DOCK1: variants seen among roughly 807,000 people sequenced by gnomAD.
DOCK1 encodes dedicator of cytokinesis 1.
Under a neutral mutation model 262.7 loss-of-function variants are expected in DOCK1, and 138 were observed. That is an observed-to-expected ratio of 0.53 (90% CI 0.46 to 0.61). DOCK1 has a LOEUF of 0.61. Ranked by LOEUF, DOCK1 falls within the 20% of genes least tolerant of loss-of-function variation. DOCK1 has a pLI of 0.00. For synonymous variants in DOCK1, 866 were observed against 867.4 expected, an observed-to-expected ratio of 1.00 and a Z score of 0.03; for missense variants, 1,908 against 2,370.7, an observed-to-expected ratio of 0.80 and a Z score of 4.05.
intron 38 of DOCK1, among the ~76,000 whole-genome samples, chr10:127,393,449 C>T (rs2066619367): frequency 6.6e-6 from 1 of 152,162 alleles, no homozygotes; most frequent in Non-Finnish European, 1.5e-5. Context: ...TCTACAGCTT[C>T]CTACGGGAAA....
chr10:126,925,769 T>TGTGTGTGTGC (rs1285971289), intron 1 of DOCK1, among the ~76,000 whole-genome samples: 1 of 139,520 alleles, frequency 7.2e-6, no homozygotes, highest in Non-Finnish European at 1.6e-5. Context: ...TGTGTGTGTG[T>TGTGTGTGTGC]GCGCCTAGGT....
chr10:126,915,397 G>A (rs2032345319), intron 1 of DOCK1, among the ~76,000 whole-genome samples: 1 of 147,776 alleles, frequency 6.8e-6, no homozygotes, highest in Admixed American at 7.0e-5. Context: ...GAGCAGTGCT[G>A]CTTTCTCAAT....
At chr10:126,969,891 G>C (rs969090006) in intron 1 of DOCK1, among the ~76,000 whole-genome samples, 1 of 152,180 alleles carries the variant, frequency 6.6e-6, no homozygotes, top group Non-Finnish European at 1.5e-5. Context: ...GGCTGTGCAG[G>C]ATGGATGGAT....
In DOCK1 at chr10:127,175,800, G is replaced by A. The variant is rs531727184; in HGVS notation, c.2847+48036G>A. The A allele has an allele frequency of 2.4e-5, 39 of 1,614,092 alleles. No individual in the cohort carries two copies. In the South Asian group the frequency reaches 3.3e-4, roughly 14 times the overall value. ...AGCTTCTCCATAGCTGAGCGGCTCC[G>A]GGCTTTTACAGGGCTCTGTGCAGTT... On this transcript the variant is annotated intron_variant, in intron 27 of 51. Transcript: ENST00000623213. This position sits in a 1 kb window ranked among gnomAD's most constrained non-coding sequence, Gnocchi z 6.3.
chr10:127,050,676 G>C (rs375627431), intron 21 of DOCK1, among the ~76,000 whole-genome samples: 8 of 149,778 alleles, frequency 5.3e-5, no homozygotes. Context: ...CTGCACTCCC[G>C]CCTGGGCAAC....
intron 31 of DOCK1, among the ~76,000 whole-genome samples, chr10:127,347,121 G>T (rs916371893): frequency 6.6e-6 from 1 of 152,232 alleles, no homozygotes; most frequent in Middle Eastern, 3.2e-3. Context: ...AGCAAAACCT[G>T]CATAAGAAAT....
intron 1 of DOCK1, among the ~76,000 whole-genome samples, chr10:126,939,117 G>A (rs2034798686): frequency 6.6e-6 from 1 of 152,030 alleles, no homozygotes; most frequent in Non-Finnish European, 1.5e-5. Flanking sequence ...AGGAGGGGAT[G>A]AACACCGGAA....
chr10:127,145,802 T>G (rs890016264), intron 27 of DOCK1: 5 of 318,144 alleles, frequency 1.6e-5, no homozygotes, highest in African/African-American at 1.1e-4. Context: ...ATTGAGAGCA[T>G]CATCTCCACT....
intron 22 of DOCK1, among the ~76,000 whole-genome samples, chr10:127,053,895 G>C (rs2044940821): frequency 6.6e-6 from 1 of 152,136 alleles, no homozygotes; most frequent in Non-Finnish European, 1.5e-5. Context: ...TTGGGGGATG[G>C]CTATTTTGTG....
At position 127,104,783 on chromosome 10, in the gene DOCK1, A is replaced by G. The variant is rs73378428; in HGVS notation, c.2446-1448A>G. On this transcript the variant is annotated intron_variant, in intron 23 of 51. Coordinates refer to ENST00000623213, the MANE Select transcript of DOCK1 (RefSeq NM_001290223.2). ...AAAATCTGGCAACTTTTCCCAACAG[A>G]AGAGAGCAAAGGGACTCAGGGTCTG... Among the ~76,000 whole-genome samples, 1,483 of 152,300 alleles carry G rather than the reference A, an allele frequency of 9.7e-3. 23 individuals are homozygous for G. Among genetic ancestry groups the G allele is most frequent in the African/African-American group, 0.033 (1,389 of 41,554 alleles).
Position 126,906,763 on chromosome 10 carries a change from C to G in DOCK1, c.46+1200C>G, listed in dbSNP as rs114128441. 8.2e-3 allele frequency among the ~76,000 whole-genome samples: 1,256 copies of G among 152,302 alleles called. 23 individuals carry two copies. The highest frequency in any genetic ancestry group is 0.029 in the African/African-American group (1,206 of 41,568). ...GCCCTGGCAGCCCTTGTCCCCGGAG[C>G]GCTCTCCTTTCTGTGAACAGTTGCT... is the stretch of plus-strand genomic sequence containing the variant. On this transcript the variant is annotated intron_variant, in intron 1 of 51. Transcript: ENST00000623213.
intron 27 of DOCK1, among the ~76,000 whole-genome samples, chr10:127,229,781 G>A (rs1590039684): frequency 6.6e-6 from 1 of 152,260 alleles, no homozygotes; most frequent in East Asian, 1.9e-4. Flanking sequence ...GATGATTTTA[G>A]TTTTAATTTT....
At chr10:126,946,118 A>G (rs1041642106) in intron 1 of DOCK1, among the ~76,000 whole-genome samples, 1 of 152,206 alleles carries the variant, frequency 6.6e-6, no homozygotes, top group Non-Finnish European at 1.5e-5. Flanking sequence ...AAAAATATAT[A>G]TAACATAGAA....
At chr10:126,913,254 G>A (rs1351704759) in intron 1 of DOCK1, among the ~76,000 whole-genome samples, 1 of 152,182 alleles carries the variant, frequency 6.6e-6, no homozygotes, top group Non-Finnish European at 1.5e-5. Context: ...TTAGCATTAG[G>A]ATATTCACAC....
At chr10:127,066,702 G>T (rs2045899203) in intron 23 of DOCK1, among the ~76,000 whole-genome samples, 1 of 152,234 alleles carries the variant, frequency 6.6e-6, no homozygotes, top group Non-Finnish European at 1.5e-5. Flanking sequence ...CCTAGTGCCA[G>T]AGTAACTGGA....
In DOCK1 at chr10:127,433,420, C is replaced by T. The variant is rs371222347; in HGVS notation, c.5052C>T (p.Gly1684=). 1.3e-4 allele frequency: 214 copies of T among 1,613,840 alleles called. No individual in the cohort carries two copies. Among genetic ancestry groups the T allele is most frequent in the Non-Finnish European group, 1.7e-4 (205 of 1,179,888 alleles). ...CGGACAGCACCCCTTCCAGACCAGG[C>T]TCCGACGGGTGAGTCAAGCTCACAG... ...LSSDSTPSRP[G]SDGFALEPLL... The change falls in exon 48 of 52, where the codon GGC becomes GGT. Residue 1684 remains glycine (G), a synonymous_variant. Transcript: ENST00000623213.
intron 29 of DOCK1, among the ~76,000 whole-genome samples, chr10:127,331,801 G>A (rs1414237521): frequency 6.6e-6 from 1 of 152,172 alleles, no homozygotes; most frequent in African/African-American, 2.4e-5. Flanking sequence ...AGATAAATGG[G>A]TGGTATACAC....
rs148806030 is a variant in DOCK1 at position 127,072,300 on chromosome 10, C to G, written c.2445+10524C>G. ...TGTGTGCCAGGCACTGTGCTAGGCA[C>G]TGAGGAGTTACAGCACCAATCACAC... On this transcript the variant is annotated intron_variant, in intron 23 of 51. Transcript: ENST00000623213. Among the ~76,000 whole-genome samples, 900 of 152,308 alleles carry G rather than the reference C, an allele frequency of 5.9e-3. 9 individuals carry two copies. The highest frequency in any genetic ancestry group is 6.4e-3 in the Non-Finnish European group (437 of 68,036).
intron 27 of DOCK1, among the ~76,000 whole-genome samples, chr10:127,133,384 A>T (rs1218883180): frequency 6.6e-6 from 1 of 152,244 alleles, no homozygotes. Context: ...TCTGCAAAAA[A>T]ATGTTGTGTT....
Sources: allele counts gnomAD v4.1 joint callset (sites outside exome capture counted in the v4.1 genomes callset), GRCh38; gene constraint gnomAD v4.1.1; non-coding constraint Gnocchi (gnomAD v3.1); transcripts MANE v1.5; gene names NCBI Gene and HGNC (gene_info 2026-07-23, HGNC 2026-07-21).